The following WWP1 variants were observed in gnomAD, a reference collection of about 807,000 sequenced individuals.
WWP1 encodes the protein WW domain containing E3 ubiquitin protein ligase 1.
A neutral mutation model predicts 130.6 loss-of-function variants in WWP1; 49 were observed. The observed-to-expected ratio is 0.38, with a 90% CI of 0.30 to 0.48. The LOEUF (loss-of-function observed/expected upper bound fraction) is 0.48. WWP1 is among the 20% of genes least tolerant of loss of function. WWP1 has a pLI of 0.99. For synonymous variants in WWP1, 332 were observed against 367.8 expected, an observed-to-expected ratio of 0.90 and a Z score of 1.11; for missense variants, 809 against 1,100.6, an observed-to-expected ratio of 0.74 and a Z score of 3.75.
chr8:86,452,719 G>A (rs112695304), intron 21 of WWP1, 40 bp downstream of exon 21: 1 of 1,602,994 alleles, frequency 6.2e-7, no homozygotes, highest in South Asian at 1.1e-5. Context: ...GAATGTTAGT[G>A]GGGGGAGGGA....
chr8:86,356,598 CATAAT>C (rs779108247), intron 1 of WWP1, among the ~76,000 whole-genome samples: 7 of 152,004 alleles, frequency 4.6e-5, no homozygotes, highest in Non-Finnish European at 1.0e-4. Flanking sequence ...CTTTTGTTGA[CATAAT>C]AGAGTAACGA....
intron 7 of WWP1, among the ~76,000 whole-genome samples, chr8:86,400,407 G>T (rs940707063): frequency 6.6e-6 from 1 of 152,086 alleles, no homozygotes; most frequent in Non-Finnish European, 1.5e-5. Context: ...ATAGCGATAA[G>T]CACTATGAAG....
At chr8:86,439,277 A>C (rs188236177) in intron 17 of WWP1, among the ~76,000 whole-genome samples, 95 of 148,614 alleles carry the variant, frequency 6.4e-4, no homozygotes, top group Admixed American at 1.1e-3. Context: ...CAGGAGGCGG[A>C]GCTTGCAGTG....
intron 11 of WWP1, among the ~76,000 whole-genome samples, chr8:86,429,533 GA>G (rs1398562425): frequency 6.6e-6 from 1 of 152,054 alleles, no homozygotes; most frequent in Non-Finnish European, 1.5e-5. Context: ...ATTTTCTTCA[GA>G]ATATATTTCT....
At chr8:86,363,909 A>G (rs1029369127) in intron 1 of WWP1, among the ~76,000 whole-genome samples, 1 of 151,974 alleles carries the variant, frequency 6.6e-6, no homozygotes, top group Non-Finnish European at 1.5e-5. Context: ...TGACAAAAGT[A>G]GTGTACGTGA....
Position 86,392,211 on chromosome 8 carries a change from A to T in WWP1, c.335-6131A>T, listed in dbSNP as rs150125445. Among the ~76,000 whole-genome samples the T allele has an allele frequency of 1.7e-3, 263 of 152,268 alleles. 3 individuals are homozygous for T. The highest frequency in any genetic ancestry group is 6.1e-3 in the African/African-American group (253 of 41,558). On this transcript the variant is annotated intron_variant, in intron 5 of 24. Transcript: ENST00000517970. Reference sequence around the variant, plus strand: ...GAGTTTGCAGTTTTTCTAGGCCAAGATTGAGGCCTAGTCAAGAAGGTCCTG... The same window carrying T: ...GAGTTTGCAGTTTTTCTAGGCCAAGTTTGAGGCCTAGTCAAGAAGGTCCTG...
chr8:86,434,555 C>A (rs1323943752), intron 14 of WWP1, among the ~76,000 whole-genome samples: 1 of 152,182 alleles, frequency 6.6e-6, no homozygotes, highest in African/African-American at 2.4e-5. Flanking sequence ...CATATCACTC[C>A]TTATACTTTG....
At chr8:86,459,023 C>CTTTTTT (rs71275853) in intron 22 of WWP1, among the ~76,000 whole-genome samples, 412 of 84,022 alleles carry the variant, frequency 4.9e-3, no homozygotes, top group Middle Eastern at 0.012. Flanking sequence ...TTTCTTTTTT[C>CTTTTTT]TTTTTTTTTT....
At chr8:86,459,537 A>G (rs181130176) in intron 22 of WWP1, among the ~76,000 whole-genome samples, 2 of 152,302 alleles carry the variant, frequency 1.3e-5, no homozygotes, top group East Asian at 1.9e-4. Flanking sequence ...AAACAGTTCT[A>G]TAGAGGAGCT....
At chr8:86,401,365 G>T (rs930081351) in intron 7 of WWP1, among the ~76,000 whole-genome samples, 6 of 151,986 alleles carry the variant, frequency 3.9e-5, no homozygotes, top group African/African-American at 1.4e-4. Context: ...TTTGAGACCA[G>T]CCTGGGCAAC....
At chr8:86,358,161 T>A (rs958704267) in intron 1 of WWP1, among the ~76,000 whole-genome samples, 10 of 152,220 alleles carry the variant, frequency 6.6e-5, no homozygotes, top group Non-Finnish European at 8.8e-5. Flanking sequence ...GCATTTTAGA[T>A]CCTTTACTTT....
intron 18 of WWP1, among the ~76,000 whole-genome samples, chr8:86,445,954 T>G (rs538192390): frequency 6.6e-5 from 7 of 106,038 alleles, no homozygotes; most frequent in East Asian, 4.4e-4. Context: ...TATATGTCTT[T>G]TCTTTTCTTT....
chr8:86,414,784 T>A lies in WWP1; in HGVS notation c.1061+2910T>A, dbSNP rs1422301229. The stretch of plus-strand genomic sequence containing the variant: ...GAGATATGTAGATGAAATAAAAAAA[T>A]TCTGTGTATCAAAATCTAAAGTATG... On this transcript the variant is annotated intron_variant, in intron 9 of 24. Coordinates refer to ENST00000517970, the MANE Select transcript of WWP1 (RefSeq NM_007013.4). 7.2e-5 allele frequency among the ~76,000 whole-genome samples: 11 copies of A among 152,262 alleles called. No individual in the cohort carries two copies. In the East Asian group the frequency reaches 9.6e-4, roughly 13 times the overall value.
intron 16 of WWP1, among the ~76,000 whole-genome samples, chr8:86,438,170 A>G (rs1286641962): frequency 6.6e-6 from 1 of 152,230 alleles, no homozygotes; most frequent in Non-Finnish European, 1.5e-5. Context: ...TAAGGAAGAT[A>G]AAATACATAT....
chr8:86,376,434 T>G (rs1824658488), intron 3 of WWP1, among the ~76,000 whole-genome samples: 1 of 152,038 alleles, frequency 6.6e-6, no homozygotes, highest in Admixed American at 6.6e-5. Flanking sequence ...CCGGGCATAG[T>G]GGCACATGCC....
At chr8:86,422,700 C>A (rs1481181349) in intron 9 of WWP1, among the ~76,000 whole-genome samples, 2 of 151,916 alleles carry the variant, frequency 1.3e-5, no homozygotes, top group Non-Finnish European at 2.9e-5. Context: ...AAAAATTATT[C>A]TTCTTTACCA....
At chr8:86,378,670 C>T (rs1824809581) in intron 3 of WWP1, among the ~76,000 whole-genome samples, 1 of 152,094 alleles carries the variant, frequency 6.6e-6, no homozygotes, top group Non-Finnish European at 1.5e-5. Context: ...ATTTTGCTAG[C>T]ATATTTATAA....
At chr8:86,353,261 G>A (rs1417217507) in intron 1 of WWP1, among the ~76,000 whole-genome samples, 2 of 152,034 alleles carry the variant, frequency 1.3e-5, no homozygotes, top group African/African-American at 2.4e-5. Context: ...TGACACCTAC[G>A]GGCTACTTCA....
intron 5 of WWP1, among the ~76,000 whole-genome samples, chr8:86,395,806 A>G (rs1327920808): frequency 6.6e-6 from 1 of 152,238 alleles, no homozygotes; most frequent in Non-Finnish European, 1.5e-5. Flanking sequence ...AGTTGAGATC[A>G]TTACCAATAC....
Sources: gnomAD v4.1 joint callset for allele counts (sites outside exome capture counted in the v4.1 genomes callset) on GRCh38, gnomAD v4.1.1 for gene constraint, MANE v1.5 for transcripts, NCBI Gene and HGNC (gene_info 2026-07-23, HGNC 2026-07-21) for gene names.